SNX27: variants seen among roughly 807,000 people sequenced by gnomAD.
The protein encoded by SNX27 is sorting nexin 27.
In SNX27, 22 loss-of-function variants were observed where a neutral mutation model predicts 71.6. That is an observed-to-expected ratio of 0.31 (90% CI 0.22 to 0.44). The LOEUF is 0.44. Ranked by LOEUF, SNX27 falls within the 20% of genes least tolerant of loss-of-function variation. SNX27 has a pLI of 1.00. For missense variants in SNX27, 531 were observed against 698.6 expected, an observed-to-expected ratio of 0.76 and a Z score of 2.70; for synonymous variants, 269 against 277.2, an observed-to-expected ratio of 0.97 and a Z score of 0.29.
At chr1:151,639,211 T>G (rs1464912388) in intron 2 of SNX27, 92 bp downstream of exon 2, 1 of 1,122,872 alleles carries the variant, frequency 8.9e-7, no homozygotes, top group Admixed American at 2.4e-5. Context: ...GATAAAAGGC[T>G]GCAACCTAGG....
At chr1:151,655,106 G>A (rs1669624143) in intron 2 of SNX27, among the ~76,000 whole-genome samples, 1 of 151,982 alleles carries the variant, frequency 6.6e-6, no homozygotes, top group Admixed American at 6.6e-5. Context: ...AAGAGTGTTG[G>A]AATTTTTTTT....
intron 1 of SNX27, among the ~76,000 whole-genome samples, chr1:151,638,422 T>G (rs1450141841): frequency 6.6e-6 from 1 of 152,262 alleles, no homozygotes; most frequent in East Asian, 1.9e-4. Flanking sequence ...AGTCTCTATT[T>G]ACAAATTAAG....
At chr1:151,641,962 G>GAT (rs1491381866) in intron 2 of SNX27, among the ~76,000 whole-genome samples, 2 of 31,076 alleles carry the variant, frequency 6.4e-5, no homozygotes, top group African/African-American at 1.4e-4. Flanking sequence ...AGATATATAT[G>GAT]AGATATATAT....
intron 8 of SNX27, among the ~76,000 whole-genome samples, chr1:151,690,617 T>G (rs1671394782): frequency 7.0e-6 from 1 of 142,394 alleles, no homozygotes; most frequent in East Asian, 2.0e-4. Context: ...TTTTTTTTTG[T>G]TTTTTTTTTT....
At chr1:151,668,718 C>G (rs1447037463) in intron 7 of SNX27, 83 bp downstream of exon 7, 3 of 1,250,632 alleles carry the variant, frequency 2.4e-6, no homozygotes, top group Admixed American at 2.4e-5. Context: ...CCTGTAAATC[C>G]TTAGACAGGC....
chr1:151,628,252 C>A (rs1668041937), intron 1 of SNX27, among the ~76,000 whole-genome samples: 1 of 152,160 alleles, frequency 6.6e-6, no homozygotes, highest in African/African-American at 2.4e-5. Context: ...GGTGAAACGC[C>A]CATCTTCGCC....
Position 151,693,493 on chromosome 1 carries a change from A to G in SNX27, c.1578+10A>G. The G allele has an allele frequency of 6.2e-7, 1 of 1,614,082 alleles. No homozygotes were observed. The highest frequency in any genetic ancestry group is 8.5e-7 in the Non-Finnish European group (1 of 1,179,932). The stretch of plus-strand genomic sequence containing the variant: ...CAAGTGGAGAAAAGAGGTAATTCTG[A>G]ACAGTCCTTGAATTGACCTTTTCAT... On this transcript the variant is annotated intron_variant, in intron 11 of 11. Transcript: ENST00000458013.
At chr1:151,688,169 G>C (rs188833575) in intron 8 of SNX27, among the ~76,000 whole-genome samples, 2 of 152,218 alleles carry the variant, frequency 1.3e-5, no homozygotes, top group African/African-American at 4.8e-5. Context: ...CTGTGTCCTT[G>C]GTGAGACAAC....
At chr1:151,642,618 G>T (rs1668829952) in intron 2 of SNX27, among the ~76,000 whole-genome samples, 1 of 151,674 alleles carries the variant, frequency 6.6e-6, no homozygotes, top group South Asian at 2.1e-4. Flanking sequence ...TTTTTTGTAA[G>T]AACTTTATTA....
At chr1:151,659,683 G>T (rs1293049615) in intron 3 of SNX27, 1 of 152,028 alleles carries the variant, frequency 6.6e-6, no homozygotes, top group Non-Finnish European at 1.5e-5. Flanking sequence ...TGTTATCTCA[G>T]TGCCTCCAAA....
In SNX27 at chr1:151,693,458, T is replaced by C; in HGVS notation, c.1553T>C (p.Phe518Ser). The C allele has an allele frequency of 6.2e-7, 1 of 1,614,208 alleles. No individual in the cohort carries two copies. The highest frequency in any genetic ancestry group is 8.5e-7 in the Non-Finnish European group (1 of 1,180,040). ...NYMHECFERV[F>S]CELKWRKENI... Reference sequence around the variant, plus strand: ...ATGCATGAGTGCTTCGAGAGGGTGTTCTGCGAGCTCAAGTGGAGAAAAGAG... The same window carrying C: ...ATGCATGAGTGCTTCGAGAGGGTGTCCTGCGAGCTCAAGTGGAGAAAAGAG... The change falls in exon 11 of 12, where the codon TTC (phenylalanine) becomes TCC (serine). Residue 518 changes from phenylalanine (F) to serine (S), a missense_variant. Transcript: ENST00000458013.
At chr1:151,662,045 C>G in intron 4 of SNX27, 121 bp from the exon 5 acceptor site, 1 of 588,318 alleles carries the variant, frequency 1.7e-6, no homozygotes. Context: ...GATTTTTTTC[C>G]CGTTTTCATT....
At chr1:151,665,146 ATTGAGGTTGATC>A (rs1402484039) in intron 5 of SNX27, among the ~76,000 whole-genome samples, 2 of 152,168 alleles carry the variant, frequency 1.3e-5, no homozygotes, top group Admixed American at 1.3e-4. Flanking sequence ...CCTTACTTAT[ATTGAGGTTGATC>A]TTGAAAAGAA....
intron 2 of SNX27, among the ~76,000 whole-genome samples, chr1:151,644,959 C>G (rs899159191): frequency 6.6e-6 from 1 of 152,082 alleles, no homozygotes; most frequent in Non-Finnish European, 1.5e-5. Context: ...GCTACCACAC[C>G]TGGCTAATTT....
At chr1:151,625,395 A>G (rs1334028934) in intron 1 of SNX27, among the ~76,000 whole-genome samples, 1 of 151,696 alleles carries the variant, frequency 6.6e-6, no homozygotes, top group Non-Finnish European at 1.5e-5. Flanking sequence ...AATCCTAACT[A>G]CTGGGGAGGC....
Position 151,668,626 on chromosome 1 carries a change from C to T in SNX27, c.1140C>T (p.Phe380=). ...ACAATGACCTTGCTGTTACCTACTTCTTTCATCAGGTAGGTGAATTGATCT... is the reference window on the plus strand; with the variant it reads ...ACAATGACCTTGCTGTTACCTACTTTTTTCATCAGGTAGGTGAATTGATCT... ...LNDNDLAVTY[F]FHQAVDDVKK... is the part of the protein sequence containing the mutation. The change falls in exon 7 of 12, where the codon TTC becomes TTT. Residue 380 remains phenylalanine, a synonymous_variant. Coordinates refer to ENST00000458013, the MANE Select transcript of SNX27 (RefSeq NM_001330723.2). 13 of 1,611,760 alleles carry T rather than the reference C, an allele frequency of 8.1e-6. No individual in the cohort carries two copies. The highest frequency in any genetic ancestry group is 1.1e-5 in the Non-Finnish European group (13 of 1,179,290).
intron 7 of SNX27, among the ~76,000 whole-genome samples, chr1:151,672,867 C>CT (rs369320111): frequency 0.066 from 9,663 of 147,202 alleles, 412 homozygotes; most frequent in Non-Finnish European, 0.094. Context: ...TTTGGATCTT[C>CT]TTTTTTTTTT....
At position 151,638,875 on chromosome 1, in the gene SNX27, T is replaced by C; in HGVS notation, c.312-13T>C. 3.1e-6 allele frequency: 5 copies of C among 1,611,226 alleles called. No homozygotes were observed. Among genetic ancestry groups the C allele is most frequent in the Non-Finnish European group, 4.2e-6 (5 of 1,177,502 alleles). On this transcript the variant is annotated splice_polypyrimidine_tract_variant and intron_variant, in intron 1 of 11. Transcript: ENST00000458013. ...TGGTTTATGGGATTGTCTTTTTCCC[T>C]TTTTCCCCTTAGGAACCACGTGAAT...
chr1:151,632,220 C>T (rs887061435), intron 1 of SNX27, among the ~76,000 whole-genome samples: 1 of 151,100 alleles, frequency 6.6e-6, no homozygotes, highest in African/African-American at 2.4e-5. Flanking sequence ...TGCAGTGGTG[C>T]GATCTCGGCT....
Sources: allele counts gnomAD v4.1 joint callset (sites outside exome capture counted in the v4.1 genomes callset), GRCh38; gene constraint gnomAD v4.1.1; transcripts MANE v1.5; gene names NCBI Gene and HGNC (gene_info 2026-07-23, HGNC 2026-07-21).